The following ZNF783 variants were observed in gnomAD, a reference collection of about 807,000 sequenced individuals.
The protein encoded by ZNF783 is protein ZNF783.
Under a neutral mutation model 31.3 loss-of-function variants are expected in ZNF783, and 25 were observed. That is an observed-to-expected ratio of 0.80 (90% confidence interval 0.58 to 1.11). The LOEUF (loss-of-function observed/expected upper bound fraction) is 1.11. Among genes scored for constraint, ZNF783 ranks in the 50% most tolerant of loss-of-function variants. ZNF783 has a pLI of 0.00. For missense variants in ZNF783, 797 were observed against 760.0 expected, an observed-to-expected ratio of 1.05 and a Z score of -0.57; for synonymous variants, 369 against 319.1, an observed-to-expected ratio of 1.16 and a Z score of -1.66.
intron 1 of ZNF783, among the ~76,000 whole-genome samples, chr7:149,263,745 G>A (rs1243851368): frequency 1.3e-5 from 2 of 152,024 alleles, no homozygotes; most frequent in African/African-American, 4.8e-5. Flanking sequence ...GCTTGTAAAG[G>A]CTCAATAGAT....
chr7:149,278,146 G>A, intron 4 of ZNF783: 1 of 1,255,812 alleles, frequency 8.0e-7, no homozygotes, highest in Non-Finnish European at 1.0e-6. Context: ...ATTCTGTCAT[G>A]ACCTGCCTGG....
At position 149,262,369 on chromosome 7, in the gene ZNF783, C is replaced by T; in HGVS notation, c.24+12C>T. The T allele has an allele frequency of 7.8e-7, 1 of 1,281,466 alleles. No individual in the cohort carries two copies. The highest frequency in any genetic ancestry group is 9.9e-7 in the Non-Finnish European group (1 of 1,015,174). 79.4% of individuals were successfully genotyped at this position (1,281,466 alleles called of 1,614,324 possible). A position where few individuals can be genotyped will look rare whatever the true frequency, so the allele number is the denominator to read the frequency against. ...CGGCGCCTGCCCGGGTAAGCGCCCT[C>T]GGCCCCGCGGACGCCCGGAAGGCCC... On this transcript the variant is annotated intron_variant, in intron 1 of 5. Transcript: ENST00000434415.
At chr7:149,280,073 A>AGCAC (rs1797426812) in intron 5 of ZNF783, among the ~76,000 whole-genome samples, 1 of 149,740 alleles carries the variant, frequency 6.7e-6, no homozygotes, top group African/African-American at 2.5e-5. Flanking sequence ...CACCTCCCGG[A>AGCAC]CGGGGCGGCT....
In ZNF783 at chr7:149,267,229, A is replaced by G. The variant is rs1042949659; in HGVS notation, c.673+7A>G. ...CCAAGGATGATGGGCACTGGTAAGTATAGGAGCCAGATGTGGTTGGGGGGC... is the reference window on the plus strand; with the variant it reads ...CCAAGGATGATGGGCACTGGTAAGTGTAGGAGCCAGATGTGGTTGGGGGGC... On this transcript the variant is annotated splice_region_variant and intron_variant, in intron 4 of 5. Transcript: ENST00000434415. The G allele has an allele frequency of 6.3e-6, 10 of 1,582,930 alleles. No homozygotes were observed. The African/African-American group carries it at 6.7e-5, about 11-fold the overall frequency.
Position 149,281,673 on chromosome 7 carries a change from G to C in ZNF783, c.971G>C (p.Arg324Pro). ...CAGGCCCAGGGCATGCCCAGGGTGC[G>C]GGCAGGGGAGCCACGGCCACCGGGG... is the stretch of plus-strand genomic sequence containing the variant. The part of the protein sequence containing the change: ...RHQAQGMPRV[R>P]AGEPRPPGAS... Residue 324 changes from arginine (R) to proline (P), a missense_variant, in exon 6 of 6, where the codon CGG becomes CCG. By Grantham distance (103) the Arg-to-Pro change is moderately radical. Transcript: ENST00000434415. 6.6e-7 allele frequency: 1 copy of C among 1,508,308 alleles called. No homozygotes were observed. The highest frequency in any genetic ancestry group is 2.2e-5 in the Admixed American group (1 of 44,692). 93.4% of individuals were successfully genotyped at this position (1,508,308 alleles called of 1,614,324 possible). A position where few individuals can be genotyped will look rare whatever the true frequency, so the allele number is the denominator to read the frequency against.
chr7:149,279,422 A>G (rs1370659589), intron 5 of ZNF783, among the ~76,000 whole-genome samples: 2 of 152,200 alleles, frequency 1.3e-5, no homozygotes, highest in East Asian at 1.9e-4. Flanking sequence ...TGTTGGGGAC[A>G]TGGCCTTCGT....
chr7:149,267,312 G>T, intron 4 of ZNF783, 90 bp downstream of exon 4: 2 of 1,484,008 alleles, frequency 1.3e-6, no homozygotes, highest in Non-Finnish European at 1.8e-6. Flanking sequence ...CAATCAGGGA[G>T]GGCAGGAAGG....
At chr7:149,275,093 T>C in intron 4 of ZNF783, among the ~76,000 whole-genome samples, 1 of 152,198 alleles carries the variant, frequency 6.6e-6, no homozygotes, top group East Asian at 1.9e-4. Flanking sequence ...TTCATAATTT[T>C]CATTCTAGAC....
rs57927274 is a variant in ZNF783, at chr7:149,282,957, G to GTTTTTTTTTTTTTTTTTTTT, written c.*624_*625insTTTTTTTTTTTTTTTTTTTT. The GTTTTTTTTTTTTTTTTTTTT allele has an allele frequency of 7.4e-6, 1 of 134,410 alleles. No individual in the cohort carries two copies. The allele number at this position is 134,410 out of a possible 1,614,324, so 8.3% of individuals were successfully genotyped here. A position where few individuals can be genotyped will look rare whatever the true frequency, so the allele number is the denominator to read the frequency against. ...CGTCCACCAGCCTGTGGGTCTTTTG[G>GTTTTTTTTTTTTTTTTTTTT]TTTTTTTTTTGTTGTTGTTGTTGTT... On this transcript the variant is annotated 3_prime_UTR_variant, in exon 6 of 6. Transcript: ENST00000434415.
intron 4 of ZNF783, among the ~76,000 whole-genome samples, chr7:149,270,501 C>CG (rs2129524892): frequency 6.6e-6 from 1 of 152,274 alleles, no homozygotes; most frequent in Non-Finnish European, 1.5e-5. Flanking sequence ...AGAGTTGCTG[C>CG]CTTAGTAGCC....
chr7:149,263,375 G>A (rs539612320), intron 1 of ZNF783, among the ~76,000 whole-genome samples: 1 of 145,988 alleles, frequency 6.8e-6, no homozygotes, highest in Non-Finnish European at 1.5e-5. Flanking sequence ...GTGTAGTGGC[G>A]GGATCTCATC....
intron 4 of ZNF783, among the ~76,000 whole-genome samples, chr7:149,275,374 G>A (rs935010942): frequency 3.3e-5 from 5 of 150,788 alleles, no homozygotes; most frequent in East Asian, 1.9e-4. Context: ...GTGCAGTGGC[G>A]CGATCTTGGC....
rs1797094697 is a variant in ZNF783, at chr7:149,267,114, C to T, written c.565C>T (p.Pro189Ser). The T allele has an allele frequency of 6.2e-7, 1 of 1,600,088 alleles. No individual in the cohort carries two copies. The highest frequency in any genetic ancestry group is 8.5e-7 in the Non-Finnish European group (1 of 1,179,812). ...LVSLDYAISK[P>S]DILTRIERGE... ...GTGCACAGATTATGCAATCTCCAAA[C>T]CAGACATCCTCACCCGGATAGAGAG... Residue 189 changes from proline (P) to serine (S), a missense_variant, in exon 4 of 6, where the codon CCA becomes TCA. Coordinates refer to ENST00000434415, the MANE Select transcript of ZNF783 (RefSeq NM_001195220.2).
At chr7:149,271,852 T>G (rs1240000446) in intron 4 of ZNF783, among the ~76,000 whole-genome samples, 2 of 152,202 alleles carry the variant, frequency 1.3e-5, no homozygotes, top group Non-Finnish European at 2.9e-5. Context: ...CAGATCTTCC[T>G]CAGTTCTTCT....
chr7:149,276,287 A>G (rs1213620790), intron 4 of ZNF783: 2 of 941,806 alleles, frequency 2.1e-6, no homozygotes, highest in Non-Finnish European at 2.5e-6. Context: ...CATCCTGCTC[A>G]GTCACCACCT....
Position 149,282,323 on chromosome 7 carries a change from A to T in ZNF783, c.1621A>T (p.Ser541Cys). 6.5e-7 allele frequency: 1 copy of T among 1,536,108 alleles called. No homozygotes were observed. ...RHGSLPLPWP[S>C]RKEEG The stretch of plus-strand genomic sequence containing the variant: ...CGGGAGCCTGCCCCTGCCCTGGCCC[A>T]GCCGGAAGGAGGAGGGCTGACCTGG... The change falls in exon 6 of 6, where the codon AGC (serine) becomes TGC (cysteine). Residue 541 changes from serine to cysteine, a missense_variant. By Grantham distance (112) the Ser-to-Cys change is moderately radical. Transcript: ENST00000434415.
At chr7:149,281,174 G>GCTGTGCC (rs1185874141) in intron 5 of ZNF783, among the ~76,000 whole-genome samples, 1 of 152,346 alleles carries the variant, frequency 6.6e-6, no homozygotes, top group South Asian at 2.1e-4. Context: ...CACCCTCTCT[G>GCTGTGCC]CTGTGCCCAG....
intron 1 of ZNF783, among the ~76,000 whole-genome samples, chr7:149,264,992 G>T (rs1797031075): frequency 6.6e-6 from 1 of 151,850 alleles, no homozygotes; most frequent in East Asian, 1.9e-4. Context: ...GGGGGAGAAG[G>T]CTGGAAGTGG....
chr7:149,265,397 C>A (rs1438601564), intron 1 of ZNF783, among the ~76,000 whole-genome samples: 2 of 152,218 alleles, frequency 1.3e-5, no homozygotes, highest in African/African-American at 2.4e-5. Context: ...TATCCCTGAG[C>A]TGGAACCATC....
Sources: allele counts gnomAD v4.1 joint callset (sites outside exome capture counted in the v4.1 genomes callset), GRCh38; gene constraint gnomAD v4.1.1; transcripts MANE v1.5; gene names NCBI Gene and HGNC (gene_info 2026-07-23, HGNC 2026-07-21).